Variants in STAB1 observed in about 807,000 individuals in gnomAD.
STAB1 encodes stabilin-1.
STAB1 carries 250 observed loss-of-function variants against 332.4 expected under a neutral mutation model. The observed-to-expected ratio is 0.75, with a 90% CI of 0.68 to 0.84. The LOEUF is 0.84. Ranked by LOEUF, STAB1 falls within the 40% of genes least tolerant of loss-of-function variation. The pLI is 0.00. For missense variants in STAB1, 3,249 were observed against 3,489.7 expected, an observed-to-expected ratio of 0.93 and a Z score of 1.74; for synonymous variants, 1,475 against 1,390.4, an observed-to-expected ratio of 1.06 and a Z score of -1.35.
At chr3:52,501,595 C>A in intron 2 of STAB1, 43 bp from the exon 3 acceptor site, 2 of 1,515,262 alleles carry the variant, frequency 1.3e-6, no homozygotes, top group Non-Finnish European at 1.8e-6. Context: ...GGGGGCTGTG[C>A]AAGGGAGCCT....
chr3:52,500,026 TCA>T (rs1447620392), intron 1 of STAB1, among the ~76,000 whole-genome samples: 1 of 149,974 alleles, frequency 6.7e-6, no homozygotes, highest in Non-Finnish European at 1.5e-5. Context: ...TGAGCTAGGG[TCA>T]CACCACTGCA....
chr3:52,516,763 G>A lies in STAB1; in HGVS notation c.4358G>A (p.Cys1453Tyr). 6.2e-7 allele frequency: 1 copy of A among 1,608,850 alleles called. No homozygotes were observed. Among genetic ancestry groups the A allele is most frequent in the Non-Finnish European group, 8.5e-7 (1 of 1,178,768 alleles). Residue 1453 changes from cysteine to tyrosine, a missense_variant, in exon 41 of 69, where the codon TGT becomes TAT. By Grantham distance (194) the Cys-to-Tyr change is radical (BLOSUM62 -2). Transcript: ENST00000321725. ...AAGYSGNGIF[C>Y]SEVDPCAHGH... ...GGATACTCCGGCAATGGCATCTTCT[G>A]TTCAGGTCCAGCCACACGGATGCCC...
At position 52,505,507 on chromosome 3, in the gene STAB1, C is replaced by T. The variant is rs569333939; in HGVS notation, c.1581+126C>T. Reference sequence around the variant, plus strand: ...GTAGCATGGCCTCTGCCCATGCCCCCGTCCTCAAGCCTGAGGTTCTGTGGT... The same window carrying T: ...GTAGCATGGCCTCTGCCCATGCCCCTGTCCTCAAGCCTGAGGTTCTGTGGT... On this transcript the variant is annotated intron_variant, in intron 14 of 68. Coordinates refer to ENST00000321725, the MANE Select transcript of STAB1 (RefSeq NM_015136.3). 22 of 1,211,354 alleles carry T rather than the reference C, an allele frequency of 1.8e-5. No individual in the cohort carries two copies. The African/African-American group carries it at 2.3e-4, about 13-fold the overall frequency. 75.0% of individuals were successfully genotyped at this position (1,211,354 alleles called of 1,614,324 possible).
At position 52,501,734 on chromosome 3, in the gene STAB1, C is replaced by G; in HGVS notation, c.312C>G (p.Tyr104Ter). ...QVVQKACCPG[Y>*]WGSRCHECPG... Reference sequence around the variant, plus strand: ...TGCAGAAGGCCTGCTGCCCTGGCTACTGGGGTTCCCGGTGCCATGGTATGG... The same window carrying G: ...TGCAGAAGGCCTGCTGCCCTGGCTAGTGGGGTTCCCGGTGCCATGGTATGG... Residue 104 changes from tyrosine to a stop codon, truncating the protein, a stop_gained, in exon 3 of 69, where the codon TAC becomes TAG. Coordinates refer to ENST00000321725, the MANE Select transcript of STAB1 (RefSeq NM_015136.3). LOFTEE classifies it high-confidence loss of function. The G allele has an allele frequency of 2.6e-6, 4 of 1,566,760 alleles. No individual in the cohort carries two copies. Among genetic ancestry groups the G allele is most frequent in the Non-Finnish European group, 3.5e-6 (4 of 1,156,600 alleles).
In STAB1 at chr3:52,505,755, G is replaced by A. The variant is rs374931714; in HGVS notation, c.1669G>A (p.Gly557Ser). 6.2e-5 allele frequency: 100 copies of A among 1,613,726 alleles called. No homozygotes were observed. The highest frequency in any genetic ancestry group is 1.0e-4 in the Admixed American group (6 of 60,008). ...SNEAVDSLRD[G>S]RLIYLFTAGL... The stretch of plus-strand genomic sequence containing the variant: ...TGAGGCTGTGGACAGCTTGCGTGAC[G>A]GCCGCCTGATCTACCTCTTCACAGC... Residue 557 changes from glycine (G) to serine (S), a missense_variant, in exon 15 of 69, where the codon GGC (glycine) becomes AGC (serine). By Grantham distance (56) the Gly-to-Ser change is moderately conservative. Transcript: ENST00000321725.
intron 25 of STAB1, among the ~76,000 whole-genome samples, chr3:52,510,800 C>A (rs996609492): frequency 2.0e-5 from 3 of 152,220 alleles, no homozygotes; most frequent in Admixed American, 6.5e-5. Context: ...AGTGACCTCC[C>A]CAAAACTTTA....
chr3:52,504,791 T>C lies in STAB1; in HGVS notation c.1292T>C (p.Ile431Thr), dbSNP rs760772295. Residue 431 changes from isoleucine (I) to threonine (T), a missense_variant, in exon 12 of 69, where the codon ATC becomes ACC. Physicochemically the swap from Ile to Thr is moderately conservative, Grantham distance 89 (BLOSUM62 -1). Transcript: ENST00000321725. ...CRQHIIAGQH[I>T]LEDTRTQQTR... is the part of the protein sequence containing the mutation. ...CAGCACATCATCGCAGGGCAGCACA[T>C]CCTGGAGGACACAAGGACCCAACAA... The C allele has an allele frequency of 6.2e-7, 1 of 1,613,852 alleles. No individual in the cohort carries two copies.
chr3:52,524,003 T>G lies in STAB1; in HGVS notation c.7528T>G (p.Phe2510Val), dbSNP rs1273761161. 3 of 1,612,180 alleles carry G rather than the reference T, an allele frequency of 1.9e-6. No homozygotes were observed. Among genetic ancestry groups the G allele is most frequent in the Non-Finnish European group, 2.5e-6 (3 of 1,179,760 alleles). Residue 2510 changes from phenylalanine to valine, a missense_variant, in exon 67 of 69, where the codon TTC (phenylalanine) becomes GTC (valine). Phe to Val is a conservative substitution (Grantham distance 50, BLOSUM62 -1). Transcript: ENST00000321725. ...CCGAGGCAAGCCCATGGGCTTTGGC[T>G]TCTCTGCCTTCCAGGTAGGGCTGGG... ...RARGKPMGFGFSAFQAEDDAD... is the reference protein window; with the variant it reads ...RARGKPMGFGVSAFQAEDDAD...
chr3:52,506,494 A>T (rs1708876741), intron 17 of STAB1, among the ~76,000 whole-genome samples, 198 bp from the exon 18 acceptor site: 1 of 152,240 alleles, frequency 6.6e-6, no homozygotes, highest in Admixed American at 6.5e-5. Context: ...GGCAGAAGCC[A>T]TGTGGGTAAG....
chr3:52,508,397 C>T (rs1468267740), intron 21 of STAB1, 38 bp downstream of exon 21: 1 of 1,603,742 alleles, frequency 6.2e-7, no homozygotes, highest in East Asian at 2.2e-5. Context: ...GTATGGGGAA[C>T]ACAAGGACTC....
At chr3:52,514,657 G>A in intron 34 of STAB1, 44 bp from the exon 35 acceptor site, 1 of 1,612,062 alleles carries the variant, frequency 6.2e-7, no homozygotes, top group Non-Finnish European at 8.5e-7. Flanking sequence ...CCTGCCAGGT[G>A]AGGGTGGTAG....
chr3:52,523,543 C>G lies in STAB1; in HGVS notation c.7257C>G (p.Asp2419Glu). 1.9e-6 allele frequency: 3 copies of G among 1,612,878 alleles called. No individual in the cohort carries two copies. The highest frequency in any genetic ancestry group is 2.5e-6 in the Non-Finnish European group (3 of 1,180,004). Residue 2419 changes from aspartate to glutamate, a missense_variant, in exon 65 of 69, where the codon GAC becomes GAG. Transcript: ENST00000321725. ...AHSGLSLIIS[D>E]AGPDNSSWAP... ...CAGGCCTCAGCCTCATCATCAGTGA[C>G]GCAGGCCCTGACAACAGTTCCTGGG...
chr3:52,495,643 T>C (rs887238053), intron 1 of STAB1, 152 bp downstream of exon 1: 9 of 677,662 alleles, frequency 1.3e-5, no homozygotes, highest in African/African-American at 1.9e-5. Context: ...GGGCTGGCTA[T>C]TGTGCCCACC....
chr3:52,516,633 T>TG (rs1448991690), intron 40 of STAB1, 46 bp downstream of exon 40: 2 of 1,612,088 alleles, frequency 1.2e-6, no homozygotes, highest in South Asian at 1.1e-5. Context: ...GCGGGGAGCC[T>TG]GGGGGTCAAG....
chr3:52,507,509 C>A, intron 18 of STAB1, 104 bp from the exon 19 acceptor site: 1 of 1,259,072 alleles, frequency 7.9e-7, no homozygotes, highest in Non-Finnish European at 1.1e-6. Flanking sequence ...CTGTGGTTGG[C>A]TCTTCTCATC....
intron 1 of STAB1, among the ~76,000 whole-genome samples, chr3:52,499,293 CCG>C (rs1708263095): frequency 6.6e-6 from 1 of 152,234 alleles, no homozygotes; most frequent in Non-Finnish European, 1.5e-5. Flanking sequence ...GACTTTGTTG[CCG>C]TAGAAGGCTG....
At chr3:52,519,633 C>T (rs2079006069) in intron 50 of STAB1, 69 bp downstream of exon 50, 14 of 1,592,622 alleles carry the variant, frequency 8.8e-6, no homozygotes, top group Admixed American at 1.7e-5. Context: ...AGTGTGTATG[C>T]GTACCTGTGT....
At position 52,502,018 on chromosome 3, in the gene STAB1, G is replaced by T. The variant is rs751898648; in HGVS notation, c.344G>T (p.Gly115Val). 6 of 1,612,504 alleles carry T rather than the reference G, an allele frequency of 3.7e-6. No individual in the cohort carries two copies. In the East Asian group the frequency reaches 8.9e-5, roughly 24 times the overall value. ...TGGGGGTCCACAGAATGCCCTGGGG[G>T]CGCTGAGACCCCATGCAATGGCCAC... Reference protein sequence around the residue: ...WGSRCHECPGGAETPCNGHGT... With the variant: ...WGSRCHECPGVAETPCNGHGT... Residue 115 changes from glycine (G) to valine (V), a missense_variant, in exon 4 of 69, where the codon GGC becomes GTC. Transcript: ENST00000321725.
Position 52,518,582 on chromosome 3 carries a change from C to A in STAB1, c.4856C>A (p.Pro1619Gln). ...GATGGGCCTTTCACCATCTTCGTGC[C>A]GCACGCAGATCTAATGAGCAACCTG... ...KGDGPFTIFV[P>Q]HADLMSNLSQ... Residue 1619 changes from proline to glutamine, a missense_variant, in exon 47 of 69, where the codon CCG becomes CAG. Coordinates refer to ENST00000321725, the MANE Select transcript of STAB1 (RefSeq NM_015136.3). 1 of 1,602,292 alleles carries A rather than the reference C, an allele frequency of 6.2e-7. No individual in the cohort carries two copies. The highest frequency in any genetic ancestry group is 2.2e-5 in the East Asian group (1 of 44,486).
Sources: allele counts gnomAD v4.1 joint callset (sites outside exome capture counted in the v4.1 genomes callset), GRCh38; gene constraint gnomAD v4.1.1; transcripts MANE v1.5; gene names NCBI Gene and HGNC (gene_info 2026-07-23, HGNC 2026-07-21).